PRELID2: variants seen among roughly 807,000 people sequenced by gnomAD.
PRELID2 encodes PRELI domain containing 2, also known as PRELI domain-containing protein 2.
PRELID2 carries 25 observed loss-of-function variants against 28.4 expected under a neutral mutation model. The observed-to-expected ratio is 0.88, with a 90% CI of 0.64 to 1.23. The LOEUF (loss-of-function observed/expected upper bound fraction) is 1.23, where lower values mean the gene tolerates loss of function less well. PRELID2 is among the 50% of genes most tolerant of loss of function. PRELID2 has a pLI of 0.00. For synonymous variants in PRELID2, 76 were observed against 71.6 expected (o/e 1.06, Z -0.31); for missense variants, 201 against 214.4 (o/e 0.94, Z 0.39).
intron 5 of PRELID2, among the ~76,000 whole-genome samples, chr5:145,794,918 A>G (rs981716504): frequency 2.6e-5 from 4 of 152,050 alleles, no homozygotes; most frequent in African/African-American, 9.7e-5. Flanking sequence ...AATCCAGCCC[A>G]CCACCTGTAT....
At chr5:145,389,374 T>TC in the PRELID2 span, among the ~76,000 whole-genome samples, 2 of 152,138 alleles carry the variant, frequency 1.3e-5, no homozygotes, top group African/African-American at 4.8e-5. Context: ...AGGCAACTCA[T>TC]CACCTGACAC....
chr5:145,793,707 T>C (rs1752546047), intron 5 of PRELID2, among the ~76,000 whole-genome samples: 1 of 152,176 alleles, frequency 6.6e-6, no homozygotes, highest in Non-Finnish European at 1.5e-5. Context: ...GTAATATTCA[T>C]CAGAAACCAA....
At chr5:145,235,153 C>T in the PRELID2 span, among the ~76,000 whole-genome samples, 252 of 152,146 alleles carry the variant, frequency 1.7e-3, 3 homozygotes, top group African/African-American at 5.9e-3. Flanking sequence ...GTTATTGCTG[C>T]ATAAATATGT....
intron 1 of PRELID2, among the ~76,000 whole-genome samples, chr5:145,722,527 CA>C (rs1756018979): frequency 6.6e-6 from 1 of 151,472 alleles, no homozygotes; most frequent in African/African-American, 2.4e-5. Flanking sequence ...GACAGAGTCT[CA>C]CTCTGTGTCA....
intron 1 of PRELID2, among the ~76,000 whole-genome samples, chr5:145,600,020 G>T (rs1753366428): frequency 6.6e-6 from 1 of 152,074 alleles, no homozygotes; most frequent in Non-Finnish European, 1.5e-5. Flanking sequence ...ATTATGAAAA[G>T]CTTTAAAGGC....
intron 1 of PRELID2, among the ~76,000 whole-genome samples, chr5:145,549,376 A>G: frequency 6.6e-6 from 1 of 152,358 alleles, no homozygotes; most frequent in Middle Eastern, 3.4e-3. Flanking sequence ...TGATCCAGGT[A>G]GTATATTTAG....
intron 1 of PRELID2, among the ~76,000 whole-genome samples, chr5:145,542,556 C>A (rs1396764699): frequency 6.6e-6 from 1 of 151,910 alleles, no homozygotes; most frequent in African/African-American, 2.4e-5. Flanking sequence ...AATTTGGAAA[C>A]CAAAGAATGA....
the PRELID2 span, chr5:145,229,984 G>A: frequency 1.4e-6 from 1 of 738,234 alleles, no homozygotes; most frequent in Admixed American, 1.8e-5. Context: ...GATGACACCG[G>A]GTTCATCAAC....
chr5:145,229,107 GC>G, the PRELID2 span: 1 of 1,454,992 alleles, frequency 6.9e-7, no homozygotes, highest in Non-Finnish European at 9.6e-7. Context: ...GCCCTGCATC[GC>G]CCACAAAAAA....
chr5:145,512,819 T>C (rs757828876), intron 1 of PRELID2, among the ~76,000 whole-genome samples: 52 of 152,194 alleles, frequency 3.4e-4, no homozygotes, highest in Non-Finnish European at 6.5e-4. Context: ...TTCTGCAGCC[T>C]CTGCTGGTGA....
chr5:145,747,197 GAAGA>G (rs1262394244), intron 1 of PRELID2, among the ~76,000 whole-genome samples: 1 of 147,378 alleles, frequency 6.8e-6, no homozygotes, highest in Non-Finnish European at 1.5e-5. Context: ...CAGAGTTGAA[GAAGA>G]TAGAGACATC....
chr5:145,423,618 A>T, the PRELID2 span, among the ~76,000 whole-genome samples: 1 of 133,306 alleles, frequency 7.5e-6, no homozygotes, highest in Non-Finnish European at 1.6e-5. Context: ...TGTATTGGTT[A>T]TTCTAGTTAT....
chr5:145,816,145 C>T (rs947459862), intron 4 of PRELID2, among the ~76,000 whole-genome samples: 4 of 134,402 alleles, frequency 3.0e-5, no homozygotes, highest in East Asian at 2.2e-4. Context: ...TGCCATGGTG[C>T]GATCTCGGCT....
At chr5:145,369,051 T>A in the PRELID2 span, among the ~76,000 whole-genome samples, 1 of 151,888 alleles carries the variant, frequency 6.6e-6, no homozygotes, top group Admixed American at 6.6e-5. Context: ...CACTTATAAG[T>A]GAAAACATAC....
chr5:145,495,900 T>G (rs1306710570), intron 1 of PRELID2, among the ~76,000 whole-genome samples: 2 of 152,172 alleles, frequency 1.3e-5, no homozygotes, highest in Non-Finnish European at 2.9e-5. Context: ...AAAAATTGTC[T>G]GTGTCCATTA....
At chr5:145,691,701 G>C (rs1391596086) in intron 1 of PRELID2, among the ~76,000 whole-genome samples, 1 of 152,078 alleles carries the variant, frequency 6.6e-6, no homozygotes. Context: ...CTGGGCGACA[G>C]AGTGAGACTC....
chr5:145,731,220 C>G lies in PRELID2; in HGVS notation n.70+33711G>C, dbSNP rs186103016. Among the ~76,000 whole-genome samples, 477 of 152,302 alleles carry G rather than the reference C, an allele frequency of 3.1e-3. 1 individual carries two copies. Among genetic ancestry groups the G allele is most frequent in the African/African-American group, 0.011 (441 of 41,564 alleles). On this transcript the variant is annotated intron_variant and non_coding_transcript_variant, in intron 1 of 2. Transcript: ENST00000510259. Reference sequence around the variant, plus strand: ...ATTATCTGCTGGGATTCCCAGAGTTCTTGGAACATACTCAGTTTTGAACAT... The same window carrying G: ...ATTATCTGCTGGGATTCCCAGAGTTGTTGGAACATACTCAGTTTTGAACAT...
At chr5:145,605,565 G>A (rs960649735) in intron 1 of PRELID2, among the ~76,000 whole-genome samples, 4 of 152,068 alleles carry the variant, frequency 2.6e-5, no homozygotes, top group East Asian at 3.9e-4. Context: ...ATGCTGCTGC[G>A]GTTTCTGTAG....
chr5:145,439,749 C>T, the PRELID2 span, among the ~76,000 whole-genome samples: 1 of 152,012 alleles, frequency 6.6e-6, no homozygotes, highest in African/African-American at 2.4e-5. Flanking sequence ...TTTCTACTGC[C>T]CTGCTTTCTG....
Sources: gnomAD v4.1 joint callset for allele counts (sites outside exome capture counted in the v4.1 genomes callset) on GRCh38, gnomAD v4.1.1 for gene constraint, MANE v1.5 for transcripts, NCBI Gene and HGNC (gene_info 2026-07-23, HGNC 2026-07-21) for gene names.